Variants in PNPLA4 observed in about 807,000 individuals in gnomAD.
PNPLA4 encodes the protein patatin-like phospholipase domain-containing protein 4.
PNPLA4 carries 15 observed loss-of-function variants against 18.3 expected under a neutral mutation model. The observed-to-expected ratio is 0.82, with a 90% CI of 0.55 to 1.26. The LOEUF (loss-of-function observed/expected upper bound fraction) is 1.26. Among genes scored for constraint, PNPLA4 ranks in the 50% most tolerant of loss-of-function variants. The probability of loss-of-function intolerance (pLI) is 0.00; values close to 1 mark genes in which losing one functional copy is unlikely to be tolerated. For synonymous variants in PNPLA4, 88 were observed against 85.6 expected, an observed-to-expected ratio of 1.03 and a Z score of -0.16; for missense variants, 229 against 196.8, an observed-to-expected ratio of 1.16 and a Z score of -0.98.
intron 2 of PNPLA4, among the ~76,000 whole-genome samples, chrX:7,923,777 T>C (rs917307686): frequency 2.7e-5 from 3 of 111,379 alleles, no homozygotes; most frequent in African/African-American, 9.8e-5. Flanking sequence ...CTAAGTCACA[T>C]GGGGCCTTGT....
At chrX:7,927,092 G>C (rs1924445290) in intron 1 of PNPLA4, among the ~76,000 whole-genome samples, 194 bp downstream of exon 1, 1 of 113,148 alleles carries the variant, frequency 8.8e-6, no homozygotes, top group Non-Finnish European at 1.9e-5. Flanking sequence ...TCATCGATCC[G>C]GGGTCAAGCC....
At chrX:7,912,548 T>C (rs1250402303) in intron 4 of PNPLA4, among the ~76,000 whole-genome samples, 1 of 111,729 alleles carries the variant, frequency 9.0e-6, no homozygotes, top group Non-Finnish European at 1.9e-5. Flanking sequence ...GTCACCAGGA[T>C]TTGCAAAGGG....
rs767819929 is a variant in PNPLA4 at position 7,925,555 on chromosome X, C to T, written c.180+385G>A. On this transcript the variant is annotated intron_variant, in intron 2 of 6. Transcript: ENST00000381042. ...CATGCCCACATTTTAATTTATGTAT[C>T]TATTTCTAAGTAGCAGTGAGGTAAG... is the stretch of plus-strand genomic sequence containing the variant. Among the ~76,000 whole-genome samples the T allele has an allele frequency of 8.9e-5, 10 of 112,135 alleles. No homozygotes were observed. The South Asian group carries it at 3.3e-3, about 37-fold the overall frequency.
At chrX:7,903,209 G>T (rs1923595375) in intron 5 of PNPLA4, among the ~76,000 whole-genome samples, 1 of 111,703 alleles carries the variant, frequency 9.0e-6, no homozygotes, top group Non-Finnish European at 1.9e-5. Flanking sequence ...AAAATAAAAT[G>T]TTCTCAACTC....
chrX:7,923,832 A>G (rs1316742793), intron 2 of PNPLA4, among the ~76,000 whole-genome samples: 1 of 111,083 alleles, frequency 9.0e-6, no homozygotes, highest in African/African-American at 3.3e-5. Context: ...AAGTCCACAG[A>G]CAGCCCCTGC....
intron 2 of PNPLA4, among the ~76,000 whole-genome samples, chrX:7,922,945 C>T (rs2146768394): frequency 8.9e-6 from 1 of 112,121 alleles, no homozygotes; most frequent in South Asian, 3.7e-4. Context: ...GCTATAAGAG[C>T]CCCCACAAGG....
At chrX:7,907,885 C>T (rs2529878) in intron 5 of PNPLA4, among the ~76,000 whole-genome samples, 10,031 of 81,903 alleles carry the variant, frequency 0.12, 442 homozygotes, top group Admixed American at 0.19. Flanking sequence ...CTATGCCTGG[C>T]TAATTTTTGT....
chrX:7,911,916 G>GA (rs1486001955), intron 5 of PNPLA4, 112 bp downstream of exon 5: 1 of 504,710 alleles, frequency 2.0e-6, no homozygotes, highest in African/African-American at 2.4e-5. Context: ...TATTTAGGAG[G>GA]AAAAAAACAT....
At chrX:7,904,717 C>A (rs768341093) in intron 5 of PNPLA4, among the ~76,000 whole-genome samples, 1 of 112,542 alleles carries the variant, frequency 8.9e-6, no homozygotes, top group African/African-American at 3.2e-5. Flanking sequence ...CCCATGAATT[C>A]TCTGGCTGTT....
intron 5 of PNPLA4, among the ~76,000 whole-genome samples, chrX:7,910,060 T>C (rs1356513649): frequency 8.9e-5 from 10 of 112,108 alleles, no homozygotes; most frequent in Admixed American, 5.7e-4. Flanking sequence ...AGGAAAAATA[T>C]TCTAATCTCC....
rs957592221 is a variant in PNPLA4, at chrX:7,901,935, G to A, written c.630+54C>T. 2.1e-5 allele frequency: 24 copies of A among 1,125,931 alleles called. No homozygotes were observed. The Admixed American group carries it at 5.9e-4, about 28-fold the overall frequency. 92.8% of individuals were successfully genotyped at this position (1,125,931 alleles called of 1,213,427 possible). ...GCTTGGGAAACACGTTGAATTCTGTGGGAATTTTTAGTAGATCAGAACTCT... is the reference window on the plus strand; with the variant it reads ...GCTTGGGAAACACGTTGAATTCTGTAGGAATTTTTAGTAGATCAGAACTCT... On this transcript the variant is annotated intron_variant, in intron 6 of 6. Coordinates refer to ENST00000381042, the MANE Select transcript of PNPLA4 (RefSeq NM_004650.3).
At chrX:7,921,210 C>T (rs1924203912) in intron 4 of PNPLA4, among the ~76,000 whole-genome samples, 1 of 111,378 alleles carries the variant, frequency 9.0e-6, no homozygotes, top group African/African-American at 3.3e-5. Flanking sequence ...GCAGAGGTTG[C>T]AATGAGCCAA....
chrX:7,908,030 T>C (rs1375603265), intron 5 of PNPLA4, among the ~76,000 whole-genome samples: 1 of 111,573 alleles, frequency 9.0e-6, no homozygotes, highest in Non-Finnish European at 1.9e-5. Context: ...TTTGCTGTGG[T>C]TGAAATTAAT....
intron 1 of PNPLA4, among the ~76,000 whole-genome samples, chrX:7,927,007 C>T (rs1453901671): frequency 7.1e-5 from 8 of 112,955 alleles, no homozygotes; most frequent in Non-Finnish European, 1.5e-4. Flanking sequence ...TCCTGATGCA[C>T]CCGGCCAGGC....
At position 7,926,020 on chromosome X, in the gene PNPLA4, T is replaced by C; in HGVS notation, c.100A>G (p.Lys34Glu). 8.3e-7 allele frequency: 1 copy of C among 1,211,715 alleles called. No homozygotes were observed. The highest frequency in any genetic ancestry group is 1.1e-6 in the Non-Finnish European group (1 of 895,257). ...ALCRHGKKLV[K>E]DVKAFAGASA... ...GCCCCAGCGAAGGCTTTGACATCCTTCACAAGTTTTTTGCCATGTCTGCAA... is the reference window on the plus strand; with the variant it reads ...GCCCCAGCGAAGGCTTTGACATCCTCCACAAGTTTTTTGCCATGTCTGCAA... Residue 34 changes from lysine (K) to glutamate (E), a missense_variant, in exon 2 of 7, where the codon AAG becomes GAG. Transcript: ENST00000381042.
intron 4 of PNPLA4, among the ~76,000 whole-genome samples, chrX:7,918,392 T>C (rs1490264406): frequency 4.5e-5 from 5 of 111,535 alleles, no homozygotes; most frequent in African/African-American, 1.6e-4. Flanking sequence ...AACCATCAGA[T>C]GTTGTGAGAC....
intron 5 of PNPLA4, among the ~76,000 whole-genome samples, chrX:7,908,214 G>A (rs1419743237): frequency 9.0e-6 from 1 of 111,714 alleles, no homozygotes; most frequent in African/African-American, 3.3e-5. Flanking sequence ...CTCTGCCCCT[G>A]TTGGCTGAGT....
In PNPLA4 at chrX:7,900,360, A is replaced by T. The variant is rs1335563726; in HGVS notation, c.*326T>A. 7.7e-6 allele frequency: 1 copy of T among 130,611 alleles called. No individual in the cohort carries two copies. The highest frequency in any genetic ancestry group is 1.5e-5 in the Non-Finnish European group (1 of 65,998). The allele number at this position is 130,611 out of a possible 1,213,427, so 10.8% of individuals were successfully genotyped here. On this transcript the variant is annotated 3_prime_UTR_variant, in exon 7 of 7. Transcript: ENST00000381042. The stretch of plus-strand genomic sequence containing the variant: ...GTCAAGATCATGCCACATATTCTCC[A>T]TGGAACCTAAGTGGTGGCCCTCCAT...
Position 7,911,468 on chromosome X carries a change from A to G in PNPLA4, c.477+560T>C, listed in dbSNP as rs150859979. Among the ~76,000 whole-genome samples, 14 of 110,909 alleles carry G rather than the reference A, an allele frequency of 1.3e-4. No homozygotes were observed. In the East Asian group the frequency reaches 4.0e-3, roughly 32 times the overall value. ...GACTTCAGGTGGAAGCCCATGTCTA[A>G]ATTTCCCTAAAAGAACTGGCATCCT... On this transcript the variant is annotated intron_variant, in intron 5 of 6. Transcript: ENST00000381042.
Sources: gnomAD v4.1 joint callset for allele counts (sites outside exome capture counted in the v4.1 genomes callset) on GRCh38, gnomAD v4.1.1 for gene constraint, MANE v1.5 for transcripts, NCBI Gene and HGNC (gene_info 2026-07-23, HGNC 2026-07-21) for gene names.